The following CASK variants were observed in gnomAD, a reference collection of about 807,000 sequenced individuals.
The protein encoded by CASK is peripheral plasma membrane protein CASK.
A neutral mutation model predicts 82.9 loss-of-function variants in CASK; 4 were observed. The ratio of observed to expected loss-of-function variants is 0.05; its 90% CI spans 0.02 to 0.11. The LOEUF is 0.11. Among genes scored for constraint, CASK ranks in the 10% least tolerant of loss-of-function variants. The pLI, the probability that CASK is intolerant of heterozygous loss-of-function variation, is 1.00. For missense variants in CASK, 358 were observed against 720.9 expected (o/e 0.50, Z 5.76); for synonymous variants, 259 against 253.5 (o/e 1.02, Z -0.20).
chrX:41,774,154 C>T, intron 3 of CASK, among the ~76,000 whole-genome samples: 1 of 110,680 alleles, frequency 9.0e-6, no homozygotes, highest in South Asian at 3.8e-4. Flanking sequence ...TCAAATTGTC[C>T]CTGTTTGCAG....
chrX:41,589,782 T>C (rs768198012), intron 12 of CASK, 190 bp from the exon 13 acceptor site: 3 of 403,998 alleles, frequency 7.4e-6, no homozygotes, highest in Non-Finnish European at 1.3e-5. Flanking sequence ...CTTATGCATA[T>C]CTTTTCAAAA....
At chrX:41,759,497 G>T (rs1000593129) in intron 3 of CASK, among the ~76,000 whole-genome samples, 2 of 111,341 alleles carry the variant, frequency 1.8e-5, no homozygotes, top group African/African-American at 6.5e-5. Context: ...GCAAATATCT[G>T]CCATTTTTAG....
At chrX:41,663,457 C>T (rs1602429007) in intron 7 of CASK, among the ~76,000 whole-genome samples, 1 of 112,334 alleles carries the variant, frequency 8.9e-6, no homozygotes, top group East Asian at 2.8e-4. Context: ...GTAGCTGCCA[C>T]CATCCATCTG....
At chrX:41,761,259 T>C (rs762973882) in intron 3 of CASK, among the ~76,000 whole-genome samples, 1 of 108,826 alleles carries the variant, frequency 9.2e-6, no homozygotes, top group African/African-American at 3.3e-5. Context: ...GATTTTGGGG[T>C]TTTTTTTTGA....
intron 21 of CASK, 55 bp downstream of exon 21, chrX:41,553,664 T>A (rs2065127235): frequency 2.2e-6 from 2 of 902,619 alleles, no homozygotes; most frequent in Non-Finnish European, 3.2e-6. Context: ...GGAAAATGGA[T>A]GGTCAGGGCT....
At chrX:41,771,535 C>G (rs1446700014) in intron 3 of CASK, among the ~76,000 whole-genome samples, 2 of 111,001 alleles carry the variant, frequency 1.8e-5, no homozygotes, top group African/African-American at 6.5e-5. Flanking sequence ...AAAAACATAG[C>G]CTAAAAGTCA....
intron 1 of CASK, among the ~76,000 whole-genome samples, chrX:41,915,833 C>CA (rs200108960): frequency 0.1 from 7,532 of 73,547 alleles, 268 homozygotes; most frequent in Middle Eastern, 0.14. Flanking sequence ...ACTAGAAATA[C>CA]AAAAAAAAAA....
chrX:41,583,619 G>A (rs866536983), intron 14 of CASK, among the ~76,000 whole-genome samples: 1 of 73,755 alleles, frequency 1.4e-5, no homozygotes, highest in East Asian at 4.0e-4. Context: ...TTTTTTTTTT[G>A]TATTTTTAGT....
At chrX:41,618,895 C>T (rs1428035661) in intron 11 of CASK, among the ~76,000 whole-genome samples, 1 of 99,739 alleles carries the variant, frequency 1.0e-5, no homozygotes, top group Admixed American at 1.1e-4. Flanking sequence ...GGTGTGATCT[C>T]GGCTCACTGC....
In CASK at chrX:41,622,320, C is replaced by G. The variant is rs771615856; in HGVS notation, c.1033+297G>C. Among the ~76,000 whole-genome samples the G allele has an allele frequency of 1.3e-4, 15 of 112,250 alleles. No individual in the cohort carries two copies. In the South Asian group the frequency reaches 5.1e-3, roughly 38 times the overall value. ...CTCTAAAATAAATGTTACTCTTTCCCCAGAATTAATGTATTCGTATGTGAA... is the reference window on the plus strand; with the variant it reads ...CTCTAAAATAAATGTTACTCTTTCCGCAGAATTAATGTATTCGTATGTGAA... On this transcript the variant is annotated intron_variant, in intron 11 of 26. Transcript: ENST00000378163.
intron 9 of CASK, among the ~76,000 whole-genome samples, chrX:41,631,401 T>C (rs2066463475): frequency 8.9e-6 from 1 of 111,815 alleles, no homozygotes; most frequent in East Asian, 2.8e-4. Context: ...GAGACCAGCC[T>C]GGGCAACAGA....
intron 5 of CASK, chrX:41,724,306 T>C (rs773195880): frequency 4.4e-5 from 5 of 112,864 alleles, no homozygotes; most frequent in Admixed American, 9.3e-5. Context: ...GTGATTATTA[T>C]TCATTTTTAG....
intron 2 of CASK, among the ~76,000 whole-genome samples, chrX:41,804,739 T>C (rs2070078473): frequency 8.9e-6 from 1 of 111,901 alleles, no homozygotes; most frequent in South Asian, 3.7e-4. Context: ...GTAACAATGC[T>C]GATGTAATTT....
intron 4 of CASK, among the ~76,000 whole-genome samples, chrX:41,745,161 G>A (rs1368911983): frequency 1.8e-5 from 2 of 111,611 alleles, no homozygotes; most frequent in Non-Finnish European, 3.8e-5. Flanking sequence ...GGGACTACAG[G>A]TGCATGCCAC....
At chrX:41,800,236 G>T (rs2069965110) in intron 2 of CASK, among the ~76,000 whole-genome samples, 1 of 110,825 alleles carries the variant, frequency 9.0e-6, no homozygotes, top group African/African-American at 3.3e-5. Flanking sequence ...AGCTGTGGAA[G>T]ATCCACACTG....
At chrX:41,788,672 G>T (rs999725705) in intron 2 of CASK, among the ~76,000 whole-genome samples, 2 of 111,189 alleles carry the variant, frequency 1.8e-5, no homozygotes, top group African/African-American at 6.5e-5. Context: ...AGGAAAGGAA[G>T]AATCAATAAT....
chrX:41,706,377 G>A (rs2067885178), intron 5 of CASK, among the ~76,000 whole-genome samples: 1 of 110,927 alleles, frequency 9.0e-6, no homozygotes. Flanking sequence ...ATGGTAGGAG[G>A]GAATAAGCAT....
At chrX:41,728,490 C>T (rs1346565199) in intron 5 of CASK, 2 of 124,179 alleles carry the variant, frequency 1.6e-5, no homozygotes, top group African/African-American at 3.2e-5. Context: ...CGCCTGTAAT[C>T]CCAGCACTTT....
chrX:41,587,064 A>T (rs990112024), intron 13 of CASK, 77 bp from the exon 14 acceptor site: 2 of 608,033 alleles, frequency 3.3e-6, no homozygotes, highest in Admixed American at 3.0e-5. Context: ...TTAAGTTAAA[A>T]ATTATGAGTG....
Sources: allele counts gnomAD v4.1 joint callset (sites outside exome capture counted in the v4.1 genomes callset), GRCh38; gene constraint gnomAD v4.1.1; transcripts MANE v1.5; gene names NCBI Gene and HGNC (gene_info 2026-07-23, HGNC 2026-07-21).